The following NOL6 variants were observed in gnomAD, a reference collection of about 807,000 sequenced individuals.
The protein encoded by NOL6 is nucleolar protein 6.
Under a neutral mutation model 131.7 loss-of-function variants are expected in NOL6, and 33 were observed. The observed-to-expected ratio is 0.25, with a 90% CI of 0.19 to 0.33. NOL6 has a LOEUF of 0.33. NOL6 is among the 10% of genes least tolerant of loss of function. The probability of loss-of-function intolerance (pLI) is 1.00; values close to 1 mark genes in which losing one functional copy is unlikely to be tolerated. For missense variants in NOL6, 1,297 were observed against 1,494.5 expected (o/e 0.87, Z 2.18); for synonymous variants, 580 against 605.7 (o/e 0.96, Z 0.62).
chr9:33,472,456 T>A, intron 1 of NOL6, 44 bp from the exon 2 acceptor site: 1 of 1,504,162 alleles, frequency 6.6e-7, no homozygotes, highest in Non-Finnish European at 9.2e-7. Context: ...AATAGGTATC[T>A]AGCATCTGCT....
chr9:33,469,276 A>C lies in NOL6; in HGVS notation c.793T>G (p.Cys265Gly). The C allele has an allele frequency of 6.2e-7, 1 of 1,614,174 alleles. No individual in the cohort carries two copies. Among genetic ancestry groups the C allele is most frequent in the Non-Finnish European group, 8.5e-7 (1 of 1,180,044 alleles). ...TTGTTCTTGGTTGGCAGCAAGCGGC[A>C]CGGGCGGAAGAAGTCAGGTGGAGGG... ...PCPPPDFFRPCRLLPTKNNVR... is the reference protein window; with the variant it reads ...PCPPPDFFRPGRLLPTKNNVR... Residue 265 changes from cysteine (C) to glycine (G), a missense_variant, in exon 6 of 26, where the codon TGC becomes GGC. Cys to Gly is a radical substitution (Grantham distance 159, BLOSUM62 -3). Transcript: ENST00000297990.
chr9:33,466,604 C>G lies in NOL6; in HGVS notation c.2056G>C (p.Val686Leu). The part of the protein sequence containing the change: ...LEGLPLTVSA[V>L]QGAHPVLRYT... ...CGCAGCACTGGGTGAGCTCCCTGAA[C>G]AGCAGACACGGTCAGTGGGAGACCC... The change falls in exon 16 of 26, where the codon GTT becomes CTT. Residue 686 changes from valine to leucine, a missense_variant. By Grantham distance (32) the Val-to-Leu change is conservative (BLOSUM62 1). Coordinates refer to ENST00000297990, the MANE Select transcript of NOL6 (RefSeq NM_022917.5). The G allele has an allele frequency of 3.1e-6, 5 of 1,614,146 alleles. No individual in the cohort carries two copies. Among genetic ancestry groups the G allele is most frequent in the Non-Finnish European group, 4.2e-6 (5 of 1,180,038 alleles).
At chr9:33,463,803 C>T (rs769217702) in intron 23 of NOL6, 28 bp downstream of exon 23, 2 of 1,610,238 alleles carry the variant, frequency 1.2e-6, no homozygotes, top group Admixed American at 3.3e-5. Flanking sequence ...CCCAGAGGCC[C>T]TGGAGTCACT....
rs1178077763 is a variant in NOL6 at position 33,469,018 on chromosome 9, C to G, written c.966G>C (p.Gln322His). 1.2e-6 allele frequency: 2 copies of G among 1,614,100 alleles called. No homozygotes were observed. Among genetic ancestry groups the G allele is most frequent in the African/African-American group, 1.3e-5 (1 of 74,952 alleles). ...QLLSTILSSA[Q>H]GLKDGVALLK... ...GAAGTGCCACGCCATCCTTCAGGCC[C>G]TGGGCTGAACTCAGAATGGTTGACA... The change falls in exon 7 of 26, where the codon CAG (glutamine) becomes CAC (histidine). Residue 322 changes from glutamine to histidine, a missense_variant. Physicochemically the swap from Gln to His is conservative, Grantham distance 24 (BLOSUM62 0). Transcript: ENST00000297990.
At chr9:33,464,293 G>C in intron 21 of NOL6, 132 bp from the exon 22 acceptor site, 1 of 1,139,270 alleles carries the variant, frequency 8.8e-7, no homozygotes, top group Non-Finnish European at 1.2e-6. Flanking sequence ...CCCACCAAGT[G>C]GCAAAGGTGA....
intron 3 of NOL6, chr9:33,470,410 G>A (rs10971521): frequency 0.25 from 88,934 of 360,888 alleles, 11,684 homozygotes; most frequent in East Asian, 0.28. Flanking sequence ...CCCATTTTAC[G>A]AGCCGGGCGT....
intron 24 of NOL6, 33 bp downstream of exon 24, chr9:33,463,214 C>A: frequency 6.2e-7 from 1 of 1,610,438 alleles, no homozygotes; most frequent in Non-Finnish European, 8.5e-7. Flanking sequence ...CTGGAAGTCC[C>A]CTCCCCAGGT....
rs770821065 is a variant in NOL6 at position 33,466,321 on chromosome 9, C to T, written c.2196G>A (p.Val732=). The change falls in exon 17 of 26, where the codon GTG becomes GTA. Residue 732 remains valine, a synonymous_variant. Transcript: ENST00000297990. ...PRLDKPCPAY[V]EPMTVVCHLE... ...GGGCCCTCTTACCGGTCATGGGCTC[C>T]ACGTAGGCCGGACAGGGCTTATCGA... The T allele has an allele frequency of 4.3e-6, 7 of 1,614,182 alleles. No homozygotes were observed. The highest frequency in any genetic ancestry group is 5.9e-6 in the Non-Finnish European group (7 of 1,180,028).
intron 23 of NOL6, 46 bp downstream of exon 23, chr9:33,463,785 A>G (rs1376489444): frequency 6.3e-7 from 1 of 1,595,368 alleles, no homozygotes; most frequent in South Asian, 1.1e-5. Flanking sequence ...ACTTCCAAAG[A>G]CAGAATCCCC....
At chr9:33,465,180 A>G (rs781315652) in intron 20 of NOL6, 27 bp downstream of exon 20, 1 of 1,576,402 alleles carries the variant, frequency 6.3e-7, no homozygotes, top group South Asian at 1.2e-5. Flanking sequence ...GAAACTTCTC[A>G]GCTGGGGAAA....
At chr9:33,466,858 C>G (rs750596132) in intron 15 of NOL6, 54 bp downstream of exon 15, 4 of 1,591,148 alleles carry the variant, frequency 2.5e-6, no homozygotes, top group Non-Finnish European at 3.4e-6. Flanking sequence ...AGAGGACTCT[C>G]TCCCCGCAGA....
Position 33,470,169 on chromosome 9 carries a change from G to A in NOL6, c.401C>T (p.Pro134Leu), listed in dbSNP as rs757012031. 167 of 1,594,738 alleles carry A rather than the reference G, an allele frequency of 1.0e-4. No homozygotes were observed. Among genetic ancestry groups the A allele is most frequent in the Non-Finnish European group, 1.3e-4 (150 of 1,167,700 alleles). The change falls in exon 4 of 26, where the codon CCA becomes CTA. Residue 134 changes from proline (P) to leucine (L), a missense_variant. Pro to Leu is a moderately conservative substitution (Grantham distance 98). Transcript: ENST00000297990. Reference protein sequence around the residue: ...ETELTDQAWLPAGVRVPLHQV... With the variant: ...ETELTDQAWLLAGVRVPLHQV... ...GTGGAGGGGCACTCGAACCCCAGCTGGGAGCCATGCCTGGTCAGTGAGCTG... is the reference window on the plus strand; with the variant it reads ...GTGGAGGGGCACTCGAACCCCAGCTAGGAGCCATGCCTGGTCAGTGAGCTG...
At position 33,467,749 on chromosome 9, in the gene NOL6, T is replaced by C; in HGVS notation, c.1544A>G (p.Glu515Gly). The change falls in exon 12 of 26, where the codon GAG (glutamate) becomes GGG (glycine). Residue 515 changes from glutamate (E) to glycine (G), a missense_variant. Physicochemically the swap from Glu to Gly is moderately conservative, Grantham distance 98. Coordinates refer to ENST00000297990, the MANE Select transcript of NOL6 (RefSeq NM_022917.5). The surrounding 1 kb of genome is among the most constrained non-coding windows in gnomAD (Gnocchi z 4.4). ...GTTCAGCCGAGCCCCCAGGCCCTGC[T>C]CCAGGAGGGTGGTCAGGGGGCCCAA... ...AALGPLTTLL[E>G]QGLGARLNLL... 6.2e-7 allele frequency: 1 copy of C among 1,608,480 alleles called. No individual in the cohort carries two copies. The highest frequency in any genetic ancestry group is 1.1e-5 in the South Asian group (1 of 90,260).
rs115378364 is a variant in NOL6, at chr9:33,468,774, C to G, written c.1125G>C (p.Leu375=). Residue 375 remains leucine (L), a synonymous_variant, in exon 8 of 26, where the codon CTG becomes CTC. Transcript: ENST00000297990. ...CACCCAGAAACTGCAAGACACTTCT[C>G]AGGACCTGGTAGCCACTCATGGTGG... ...IHTTMSGYQV[L]RSVLQFLATT... is the part of the protein sequence containing the mutation. The G allele has an allele frequency of 3.0e-3, 4,855 of 1,614,202 alleles. 19 individuals carry two copies. Among genetic ancestry groups the G allele is most frequent in the Middle Eastern group, 0.011 (69 of 6,062 alleles).
rs761180541 is a variant in NOL6 at position 33,463,844 on chromosome 9, G to A, written c.2981C>T (p.Pro994Leu). 1.9e-6 allele frequency: 3 copies of A among 1,614,112 alleles called. No homozygotes were observed. Among genetic ancestry groups the A allele is most frequent in the Non-Finnish European group, 2.5e-6 (3 of 1,180,004 alleles). The change falls in exon 23 of 26, where the codon CCT (proline) becomes CTT (leucine). Residue 994 changes from proline (P) to leucine (L), a missense_variant. By Grantham distance (98) the Pro-to-Leu change is moderately conservative (BLOSUM62 -3). Coordinates refer to ENST00000297990, the MANE Select transcript of NOL6 (RefSeq NM_022917.5). The part of the protein sequence containing the change: ...LEKQLMDPRG[P>L]GDIRTVFRPP... Reference sequence around the variant, plus strand: ...TCAGAAGCTTACCCTGATGTCCCCAGGTCCCCGGGGATCCATGAGCTGCTT... The same window carrying A: ...TCAGAAGCTTACCCTGATGTCCCCAAGTCCCCGGGGATCCATGAGCTGCTT...
Position 33,467,925 on chromosome 9 carries a change from C to A in NOL6, c.1425-57G>T. On this transcript the variant is annotated intron_variant, in intron 11 of 25. Transcript: ENST00000297990. The surrounding 1 kb of genome is among the most constrained non-coding windows in gnomAD (Gnocchi z 4.4). ...ATCAGGTTGCTGGCCCCTAGTACCA[C>A]CTCCTCCCTGAATGATCTGAGCACC... The A allele has an allele frequency of 6.3e-7, 1 of 1,591,276 alleles. No individual in the cohort carries two copies. The highest frequency in any genetic ancestry group is 8.6e-7 in the Non-Finnish European group (1 of 1,165,822).
chr9:33,465,987 T>C, intron 18 of NOL6, 84 bp downstream of exon 18: 1 of 1,567,508 alleles, frequency 6.4e-7, no homozygotes. Context: ...CCCAGCGTGG[T>C]ACCCACAGGG....
At position 33,467,352 on chromosome 9, in the gene NOL6, A is replaced by G; in HGVS notation, c.1725+42T>C. On this transcript the variant is annotated intron_variant, in intron 13 of 25. Coordinates refer to ENST00000297990, the MANE Select transcript of NOL6 (RefSeq NM_022917.5). This position sits in a 1 kb window ranked among gnomAD's most constrained non-coding sequence, Gnocchi z 4.4. Reference sequence around the variant, plus strand: ...CTTCAGTCCAGGTGCCATGAGGACGAGCCACCCCATTCCTTCCAGTGTACA... The same window carrying G: ...CTTCAGTCCAGGTGCCATGAGGACGGGCCACCCCATTCCTTCCAGTGTACA... 2 of 1,610,972 alleles carry G rather than the reference A, an allele frequency of 1.2e-6. No homozygotes were observed. Among genetic ancestry groups the G allele is most frequent in the Non-Finnish European group, 1.7e-6 (2 of 1,177,448 alleles).
Position 33,468,137 on chromosome 9 carries a change from A to G in NOL6, c.1317T>C (p.His439=). 6.2e-7 allele frequency: 1 copy of G among 1,614,196 alleles called. No homozygotes were observed. The highest frequency in any genetic ancestry group is 8.5e-7 in the Non-Finnish European group (1 of 1,180,046). The change falls in exon 11 of 26, where the codon CAT becomes CAC. Residue 439 remains histidine, a synonymous_variant. Coordinates refer to ENST00000297990, the MANE Select transcript of NOL6 (RefSeq NM_022917.5). ...GCAACATCATAGACAGCCGTGCCTCATGCTGTACCTGGAGCCACAGAAGGG... is the reference window on the plus strand; with the variant it reads ...GCAACATCATAGACAGCCGTGCCTCGTGCTGTACCTGGAGCCACAGAAGGG... ...VTASTYHQVQ[H]EARLSMMLLD... is the part of the protein sequence containing the mutation.
Sources: gnomAD v4.1 joint callset for allele counts on GRCh38, gnomAD v4.1.1 for gene constraint, Gnocchi (gnomAD v3.1) non-coding constraint, MANE v1.5 for transcripts, NCBI Gene and HGNC (gene_info 2026-07-23, HGNC 2026-07-21) for gene names.